Variants in ADAMTS2 observed in about 807,000 individuals in gnomAD.
ADAMTS2 encodes A disintegrin and metalloproteinase with thrombospondin motifs 2.
A neutral mutation model predicts 123.0 loss-of-function variants in ADAMTS2; 50 were observed. The ratio of observed to expected loss-of-function variants is 0.41; its 90% CI spans 0.32 to 0.51. The LOEUF is 0.51. Among genes scored for constraint, ADAMTS2 ranks in the 20% least tolerant of loss-of-function variants. ADAMTS2 has a pLI of 0.35. For synonymous variants in ADAMTS2, 678 were observed against 695.4 expected, an observed-to-expected ratio of 0.98 and a Z score of 0.39; for missense variants, 1,494 against 1,705.2, an observed-to-expected ratio of 0.88 and a Z score of 2.18.
rs1360606293 is a variant in ADAMTS2 at position 179,307,540 on chromosome 5, C to G, written c.535-34476G>C. 3.9e-5 allele frequency among the ~76,000 whole-genome samples: 6 copies of G among 152,188 alleles called. No homozygotes were observed. Among genetic ancestry groups the G allele is most frequent in the South Asian group, 2.1e-4 (1 of 4,834 alleles). On this transcript the variant is annotated intron_variant, in intron 2 of 21. Coordinates refer to ENST00000251582, the MANE Select transcript of ADAMTS2 (RefSeq NM_014244.5). The surrounding 1 kb of genome is among the most constrained non-coding windows in gnomAD (Gnocchi z 5.6). ...CGTCCCAAGCCTGTGACCTCATTCTCTATGCTCCTCACGGCTGCCCCACAG... is the reference window on the plus strand; with the variant it reads ...CGTCCCAAGCCTGTGACCTCATTCTGTATGCTCCTCACGGCTGCCCCACAG...
At chr5:179,203,081 G>C (rs1764603676) in intron 4 of ADAMTS2, among the ~76,000 whole-genome samples, 1 of 152,200 alleles carries the variant, frequency 6.6e-6, no homozygotes, top group African/African-American at 2.4e-5. Flanking sequence ...CACCCCAAAT[G>C]ATGAGGGAAA....
chr5:179,275,842 G>A (rs761462816), intron 2 of ADAMTS2, among the ~76,000 whole-genome samples: 16 of 152,228 alleles, frequency 1.1e-4, no homozygotes, highest in South Asian at 4.1e-4. Context: ...TACAGCAGCC[G>A]CAGAAAAGTA....
At chr5:179,186,351 C>T (rs370814451) in intron 4 of ADAMTS2, among the ~76,000 whole-genome samples, 6 of 152,320 alleles carry the variant, frequency 3.9e-5, no homozygotes, top group African/African-American at 1.4e-4. Context: ...GCTGTCCAGC[C>T]TCTCAGTCCC....
At chr5:179,283,549 C>A (rs1038241412) in intron 2 of ADAMTS2, among the ~76,000 whole-genome samples, 183 of 51,292 alleles carry the variant, frequency 3.6e-3, no homozygotes, top group East Asian at 0.012. Context: ...AGAAAAACAG[C>A]AAAAAAAAAA....
At chr5:179,221,721 C>A (rs971119601) in intron 3 of ADAMTS2, among the ~76,000 whole-genome samples, 4 of 152,172 alleles carry the variant, frequency 2.6e-5, no homozygotes, top group South Asian at 2.1e-4. Context: ...AGAGAAGAGC[C>A]CCCCGCAGAG....
chr5:179,270,243 G>A (rs1766491489), intron 3 of ADAMTS2, among the ~76,000 whole-genome samples: 1 of 152,068 alleles, frequency 6.6e-6, no homozygotes, highest in Admixed American at 6.5e-5. Flanking sequence ...GGCTTCTCGG[G>A]GAAAACAGGA....
intron 8 of ADAMTS2, among the ~76,000 whole-genome samples, 165 bp from the exon 9 acceptor site, chr5:179,153,788 T>C (rs1264916750): frequency 6.6e-6 from 1 of 152,136 alleles, no homozygotes; most frequent in Admixed American, 6.5e-5. Context: ...TTGTCCTTGG[T>C]GTAAGACACC....
At chr5:179,324,276 T>C (rs1012456112) in intron 2 of ADAMTS2, among the ~76,000 whole-genome samples, 1 of 152,216 alleles carries the variant, frequency 6.6e-6, no homozygotes, top group Non-Finnish European at 1.5e-5. Flanking sequence ...CGTTATAAGT[T>C]GGTAAAATAC....
intron 3 of ADAMTS2, among the ~76,000 whole-genome samples, chr5:179,251,411 C>T (rs764428685): frequency 4.6e-5 from 7 of 152,106 alleles, no homozygotes; most frequent in Non-Finnish European, 1.0e-4. Flanking sequence ...CCTCCATCAC[C>T]TCCCCAATTT....
chr5:179,155,544 G>A lies in ADAMTS2; in HGVS notation c.1133-625C>T, dbSNP rs367644367. ...GCAGGGGGCTGGCTGGTGCGGACTG[G>A]GAGGTCAGAGCCGCCGTAGAAGATG... On this transcript the variant is annotated intron_variant, in intron 6 of 21. Coordinates refer to ENST00000251582, the MANE Select transcript of ADAMTS2 (RefSeq NM_014244.5). This position sits in a 1 kb window ranked among gnomAD's most constrained non-coding sequence, Gnocchi z 5.1. Among the ~76,000 whole-genome samples the A allele has an allele frequency of 5.4e-4, 82 of 152,318 alleles. No individual in the cohort carries two copies. In the East Asian group the frequency reaches 0.014, roughly 27 times the overall value.
intron 2 of ADAMTS2, among the ~76,000 whole-genome samples, chr5:179,302,935 G>T (rs189911294): frequency 6.6e-6 from 1 of 151,170 alleles, no homozygotes; most frequent in Non-Finnish European, 1.5e-5. Context: ...GTGGGCGGGG[G>T]CGAGGGACAG....
chr5:179,189,641 G>A lies in ADAMTS2; in HGVS notation c.892-8486C>T, dbSNP rs972024632. On this transcript the variant is annotated intron_variant, in intron 4 of 21. Coordinates refer to ENST00000251582, the MANE Select transcript of ADAMTS2 (RefSeq NM_014244.5). The surrounding 1 kb of genome is among the most constrained non-coding windows in gnomAD (Gnocchi z 4.2). ...CAAAGTGCTGGGATTACAGGCGTGAGCCACCGCGCCCGGCCAGGAGCAATT... is the reference window on the plus strand; with the variant it reads ...CAAAGTGCTGGGATTACAGGCGTGAACCACCGCGCCCGGCCAGGAGCAATT... 2.7e-5 allele frequency among the ~76,000 whole-genome samples: 4 copies of A among 150,210 alleles called. No homozygotes were observed. The highest frequency in any genetic ancestry group is 4.9e-5 in the African/African-American group (2 of 40,754).
intron 4 of ADAMTS2, among the ~76,000 whole-genome samples, chr5:179,196,839 A>G (rs1198920261): frequency 2.0e-5 from 3 of 152,234 alleles, no homozygotes; most frequent in Non-Finnish European, 4.4e-5. Context: ...CCACTGTTGT[A>G]GCACAAAAAT....
rs1037933804 is a variant in ADAMTS2, at chr5:179,181,298, A to AC, written c.892-144dup. On this transcript the variant is annotated intron_variant, in intron 4 of 21. Coordinates refer to ENST00000251582, the MANE Select transcript of ADAMTS2 (RefSeq NM_014244.5). This position sits in a 1 kb window ranked among gnomAD's most constrained non-coding sequence, Gnocchi z 4.1. ...ACCATCAACTAGGAGCCACCTTGTG[A>AC]CCCCTCCCTCATTGCCCCCTGCCCT... 3.1e-5 allele frequency: 22 copies of AC among 703,988 alleles called. No individual in the cohort carries two copies. In the African/African-American group the frequency reaches 3.5e-4, roughly 11 times the overall value. 43.6% of individuals were successfully genotyped at this position (703,988 alleles called of 1,614,324 possible).
At chr5:179,333,107 G>C (rs1229286326) in intron 2 of ADAMTS2, among the ~76,000 whole-genome samples, 1 of 152,210 alleles carries the variant, frequency 6.6e-6, no homozygotes, top group Non-Finnish European at 1.5e-5. Flanking sequence ...AGAGCAGAGG[G>C]CCAGGAGCCG....
At chr5:179,161,446 A>G (rs1456531466) in intron 5 of ADAMTS2, among the ~76,000 whole-genome samples, 1 of 152,218 alleles carries the variant, frequency 6.6e-6, no homozygotes, top group African/African-American at 2.4e-5. Context: ...AGCCAGGCTC[A>G]GAAAGACAAA....
chr5:179,272,979 C>A lies in ADAMTS2; in HGVS notation c.620G>T (p.Arg207Leu), dbSNP rs753810968. ...GLAAQEAEQG[R>L]VHVVYRRPPT... The stretch of plus-strand genomic sequence containing the variant: ...TGGCCGGCGATACACCACATGCACA[C>A]GGCCTTGCTCAGCCTCCTGCGCCGC... Residue 207 changes from arginine (R) to leucine (L), a missense_variant, in exon 3 of 22, where the codon CGT (arginine) becomes CTT (leucine). Around this residue, in one of 6 missense-constraint regions of ADAMTS2, gnomAD observed 184 missense variants for 152.1 expected, o/e 1.21. Coordinates refer to ENST00000251582, the MANE Select transcript of ADAMTS2 (RefSeq NM_014244.5). The surrounding 1 kb of genome is among the most constrained non-coding windows in gnomAD (Gnocchi z 5.8). 1 of 1,613,066 alleles carries A rather than the reference C, an allele frequency of 6.2e-7. No individual in the cohort carries two copies. The highest frequency in any genetic ancestry group is 8.5e-7 in the Non-Finnish European group (1 of 1,180,022).
intron 3 of ADAMTS2, among the ~76,000 whole-genome samples, chr5:179,238,738 G>A (rs142064957): frequency 4.9e-4 from 74 of 152,304 alleles, no homozygotes; most frequent in African/African-American, 1.7e-3. Flanking sequence ...GCGCTGGGTC[G>A]TGTGGGGTCT....
chr5:179,153,956 G>A, intron 8 of ADAMTS2, 93 bp downstream of exon 8: 3 of 1,499,606 alleles, frequency 2.0e-6, no homozygotes, highest in Non-Finnish European at 2.7e-6. Context: ...TGAGGTCGGA[G>A]GGCTCTGGCT....
Sources: allele counts gnomAD v4.1 joint callset (sites outside exome capture counted in the v4.1 genomes callset), GRCh38; gene constraint gnomAD v4.1.1; regional missense constraint gnomAD v4.1.1; non-coding constraint Gnocchi (gnomAD v3.1); transcripts MANE v1.5; gene names NCBI Gene and HGNC (gene_info 2026-07-23, HGNC 2026-07-21).